Variants in SMC3 observed in about 807,000 individuals in gnomAD.
SMC3 encodes the protein structural maintenance of chromosomes 3.
SMC3 carries 20 observed loss-of-function variants against 171.8 expected under a neutral mutation model. That is an observed-to-expected ratio of 0.12 (90% confidence interval 0.08 to 0.17). The LOEUF is 0.17. Ranked by LOEUF, SMC3 falls within the 10% of genes least tolerant of loss-of-function variation. SMC3 has a pLI of 1.00. For missense variants in SMC3, 543 were observed against 1,420.4 expected (o/e 0.38, Z 9.93); for synonymous variants, 464 against 451.1 (o/e 1.03, Z -0.36).
chr10:110,593,407 A>G (rs185288643), intron 18 of SMC3, among the ~76,000 whole-genome samples, 184 bp downstream of exon 18: 9 of 152,150 alleles, frequency 5.9e-5, no homozygotes, highest in African/African-American at 1.9e-4. Flanking sequence ...CCCTGTCTCC[A>G]TTAAAAATAC....
chr10:110,593,064 C>G lies in SMC3; in HGVS notation c.1813-9C>G. On this transcript the variant is annotated splice_polypyrimidine_tract_variant and intron_variant, in intron 17 of 28. Coordinates refer to ENST00000361804, the MANE Select transcript of SMC3 (RefSeq NM_005445.4). ...TGTGATCTCTCTGTTGACAAAATTT[C>G]ATTTTTAGGATGCTATTCCTATGAT... 6.2e-7 allele frequency: 1 copy of G among 1,611,744 alleles called. No homozygotes were observed. The highest frequency in any genetic ancestry group is 8.5e-7 in the Non-Finnish European group (1 of 1,177,896).
At chr10:110,568,439 C>T (rs997274666) in intron 1 of SMC3, 1 of 171,104 alleles carries the variant, frequency 5.8e-6, no homozygotes, top group African/African-American at 2.4e-5. Context: ...CGGGACTCCA[C>T]CACAAAGATG....
chr10:110,573,872 G>A (rs1860909238), intron 3 of SMC3, 127 bp downstream of exon 3: 2 of 717,806 alleles, frequency 2.8e-6, no homozygotes, highest in South Asian at 1.5e-5. Context: ...TGGGGTTGCA[G>A]CTTAGTGTAG....
At position 110,596,381 on chromosome 10, in the gene SMC3, A is replaced by G. The variant is rs537919068; in HGVS notation, c.1964-17A>G. 5.6e-6 allele frequency: 9 copies of G among 1,610,744 alleles called. No homozygotes were observed. Among genetic ancestry groups the G allele is most frequent in the East Asian group, 2.2e-5 (1 of 44,834 alleles). On this transcript the variant is annotated splice_polypyrimidine_tract_variant and intron_variant, in intron 18 of 28. Coordinates refer to ENST00000361804, the MANE Select transcript of SMC3 (RefSeq NM_005445.4). ...TAAAAAAGTTGTACAGACCTATTAC[A>G]TATGTTTTGTTTATAGGTGACCAAG... is the stretch of plus-strand genomic sequence containing the variant.
In SMC3 at chr10:110,605,305, T is replaced by C. The variant is rs1171357144; in HGVS notation, c.*1003T>C. Reference sequence around the variant, plus strand: ...GGGGTCTCCTGTGACCCTGGAAAACTACCTCAATAGTCCTCGTAGCTTTTT... The same window carrying C: ...GGGGTCTCCTGTGACCCTGGAAAACCACCTCAATAGTCCTCGTAGCTTTTT... On this transcript the variant is annotated 3_prime_UTR_variant, in exon 29 of 29. Coordinates refer to ENST00000361804, the MANE Select transcript of SMC3 (RefSeq NM_005445.4). Among the ~76,000 whole-genome samples the C allele has an allele frequency of 6.6e-6, 1 of 152,216 alleles. No individual in the cohort carries two copies. Among genetic ancestry groups the C allele is most frequent in the African/African-American group, 2.4e-5 (1 of 41,476 alleles).
Position 110,600,490 on chromosome 10 carries a change from C to T in SMC3, c.2479C>T (p.Arg827Ter), listed in dbSNP as rs2134750893. 6.3e-7 allele frequency: 1 copy of T among 1,595,824 alleles called. No homozygotes were observed. Among genetic ancestry groups the T allele is most frequent in the Non-Finnish European group, 8.6e-7 (1 of 1,164,632 alleles). The part of the protein sequence containing the change: ...ERIKLEGIIT[R>*]VETYLNENLR... The stretch of plus-strand genomic sequence containing the variant: ...AATTAAATTAGAAGGTATTATTACT[C>T]GAGTAGAGACTTATCTCAATGAGAA... The change falls in exon 22 of 29, where the codon CGA becomes TGA. Residue 827 changes from arginine (R) to a stop codon, truncating the protein, a stop_gained. Transcript: ENST00000361804. LOFTEE classifies it high-confidence loss of function.
rs572340845 is a variant in SMC3 at position 110,589,995 on chromosome 10, G to C, written c.1509+4G>C. The C allele has an allele frequency of 1.2e-6, 2 of 1,612,976 alleles. No individual in the cohort carries two copies. The highest frequency in any genetic ancestry group is 2.2e-5 in the South Asian group (2 of 91,058). On this transcript the variant is annotated splice_donor_region_variant and intron_variant, in intron 15 of 28. Transcript: ENST00000361804. ...TCTTAGAGCAGCAACAGGAAAGGTG[G>C]GCAGGTTCTTTTCATCACCTCTGTT...
At position 110,590,577 on chromosome 10, in the gene SMC3, A is replaced by T; in HGVS notation, c.1670+5A>T. The T allele has an allele frequency of 7.4e-6, 12 of 1,613,770 alleles. No homozygotes were observed. Among genetic ancestry groups the T allele is most frequent in the Non-Finnish European group, 1.0e-5 (12 of 1,179,708 alleles). On this transcript the variant is annotated splice_donor_5th_base_variant and intron_variant, in intron 16 of 28. Coordinates refer to ENST00000361804, the MANE Select transcript of SMC3 (RefSeq NM_005445.4). The stretch of plus-strand genomic sequence containing the variant: ...GGAAGTCACTGCTGGAAACAGGTTA[A>T]AGCTTTTGCTTGATATTTAGCATTT...
At position 110,590,664 on chromosome 10, in the gene SMC3, A is replaced by G; in HGVS notation, c.1670+92A>G. 1.3e-5 allele frequency: 14 copies of G among 1,098,058 alleles called. No homozygotes were observed. The South Asian group carries it at 1.9e-4, about 15-fold the overall frequency. 68.0% of individuals were successfully genotyped at this position (1,098,058 alleles called of 1,614,324 possible). A position where few individuals can be genotyped will look rare whatever the true frequency, so the allele number is the denominator to read the frequency against. ...GTAGTTTTTGTACAACATATCTTCC[A>G]TTATCTTTTTATATCTCGGTTCCTT... On this transcript the variant is annotated intron_variant, in intron 16 of 28. Coordinates refer to ENST00000361804, the MANE Select transcript of SMC3 (RefSeq NM_005445.4).
intron 12 of SMC3, 25 bp downstream of exon 12, chr10:110,583,987 T>C (rs972907786): frequency 6.2e-7 from 1 of 1,612,048 alleles, no homozygotes; most frequent in African/African-American, 1.3e-5. Flanking sequence ...ACCAACACTT[T>C]AACTTTCTAC....
At position 110,589,579 on chromosome 10, in the gene SMC3, TTTTAAA is replaced by T. The variant is rs780459913; in HGVS notation, c.1306-21_1306-16del. 11 of 1,470,066 alleles carry T rather than the reference TTTTAAA, an allele frequency of 7.5e-6. No individual in the cohort carries two copies. Among genetic ancestry groups the T allele is most frequent in the Non-Finnish European group, 1.0e-5 (11 of 1,058,004 alleles). The allele number at this position is 1,470,066 out of a possible 1,614,324, so 91.1% of individuals were successfully genotyped here. ...TGTAGATTAGTTTCATGAAATTGAA[TTTTAAA>T]TTTATTTTTATTTCCATAGAAACTG... is the stretch of plus-strand genomic sequence containing the variant. On this transcript the variant is annotated intron_variant, in intron 13 of 28. Transcript: ENST00000361804.
In SMC3 at chr10:110,577,855, A is replaced by G; in HGVS notation, c.291A>G (p.Ser97=). 1.2e-6 allele frequency: 2 copies of G among 1,611,370 alleles called. No individual in the cohort carries two copies. Among genetic ancestry groups the G allele is most frequent in the Admixed American group, 3.3e-5 (2 of 60,000 alleles). ...NRLPIDKEEV[S]LRRVIGAKKD... is the part of the protein sequence containing the mutation. ...CTTAGATCGATAAAGAGGAAGTTTC[A>G]CTTCGAAGAGTTATTGGTGCCAAAA... is the stretch of plus-strand genomic sequence containing the variant. Residue 97 remains serine (S), a synonymous_variant, in exon 6 of 29, where the codon TCA becomes TCG. Coordinates refer to ENST00000361804, the MANE Select transcript of SMC3 (RefSeq NM_005445.4).
At chr10:110,599,055 AAAG>A (rs1370505660) in intron 20 of SMC3, among the ~76,000 whole-genome samples, 1 of 152,104 alleles carries the variant, frequency 6.6e-6, no homozygotes, top group African/African-American at 2.4e-5. Flanking sequence ...AAAAAAAAAA[AAAG>A]ATGTGCCTAC....
intron 7 of SMC3, among the ~76,000 whole-genome samples, chr10:110,580,536 C>T (rs998386411): frequency 5.9e-5 from 9 of 152,238 alleles, no homozygotes; most frequent in East Asian, 3.9e-4. Flanking sequence ...TGTAGGCATG[C>T]GTACTATACA....
At chr10:110,604,125 TTA>T in intron 28 of SMC3, 104 bp from the exon 29 acceptor site, 1 of 457,144 alleles carries the variant, frequency 2.2e-6, no homozygotes, top group Non-Finnish European at 3.9e-6. Context: ...AAACTAAAAA[TTA>T]AAAAATGTAG....
At chr10:110,586,182 AAG>A (rs1217915167) in intron 13 of SMC3, among the ~76,000 whole-genome samples, 4 of 152,218 alleles carry the variant, frequency 2.6e-5, no homozygotes, top group Admixed American at 1.3e-4. Context: ...GTTTTAAAGA[AAG>A]AGCTGTTTAC....
intron 13 of SMC3, 30 bp downstream of exon 13, chr10:110,584,426 ATCTT>A (rs1213443185): frequency 4.0e-6 from 6 of 1,498,938 alleles, no homozygotes; most frequent in African/African-American, 1.4e-5. Flanking sequence ...CTTTGTAAAA[ATCTT>A]TCAGAAGAGA....
At chr10:110,574,821 C>A (rs1860923711) in intron 3 of SMC3, among the ~76,000 whole-genome samples, 1 of 152,196 alleles carries the variant, frequency 6.6e-6, no homozygotes, top group Non-Finnish European at 1.5e-5. Context: ...CCCCTTCTTA[C>A]AGAGCTCGGT....
At position 110,581,774 on chromosome 10, in the gene SMC3, A is replaced by G. The variant is rs75158378; in HGVS notation, c.548-149A>G. The G allele has an allele frequency of 1.5e-3, 1,206 of 812,728 alleles. 16 individuals are homozygous for G. In the East Asian group the frequency reaches 0.03, roughly 21 times the overall value. The allele number at this position is 812,728 out of a possible 1,614,324, so 50.3% of individuals were successfully genotyped here. A position where few individuals can be genotyped will look rare whatever the true frequency, so the allele number is the denominator to read the frequency against. On this transcript the variant is annotated intron_variant, in intron 8 of 28. Coordinates refer to ENST00000361804, the MANE Select transcript of SMC3 (RefSeq NM_005445.4). ...CTCTGGCATAAATGGGTTAATTGCTATTTTAGTATTTTAAATTGGGTTACC... is the reference window on the plus strand; with the variant it reads ...CTCTGGCATAAATGGGTTAATTGCTGTTTTAGTATTTTAAATTGGGTTACC...
Sources: allele counts gnomAD v4.1 joint callset (sites outside exome capture counted in the v4.1 genomes callset), GRCh38; gene constraint gnomAD v4.1.1; transcripts MANE v1.5; gene names NCBI Gene and HGNC (gene_info 2026-07-23, HGNC 2026-07-21).